The following LINGO2 variants were observed in gnomAD, a reference collection of about 807,000 sequenced individuals.
LINGO2 encodes leucine rich repeat and Ig domain containing 2, also known as leucine-rich repeat and immunoglobulin-like domain-containing nogo receptor-interacting protein 2.
Under a neutral mutation model 30.6 loss-of-function variants are expected in LINGO2, and 14 were observed. The observed-to-expected ratio is 0.46, with a 90% confidence interval of 0.30 to 0.72. The LOEUF (loss-of-function observed/expected upper bound fraction) is 0.72. Among genes scored for constraint, LINGO2 ranks in the 30% least tolerant of loss-of-function variants. The pLI, the probability that LINGO2 is intolerant of heterozygous loss-of-function variation, is 0.07. For missense variants in LINGO2, 729 were observed against 751.7 expected (o/e 0.97, Z 0.35); for synonymous variants, 317 against 288.5 (o/e 1.10, Z -1.00).
intron 4 of LINGO2, among the ~76,000 whole-genome samples, chr9:28,170,569 G>A (rs1828553696): frequency 6.6e-6 from 1 of 152,168 alleles, no homozygotes; most frequent in Non-Finnish European, 1.5e-5. Context: ...TCCTAGTGCT[G>A]TGGTAACAAA....
chr9:28,016,197 C>T (rs1161988452), intron 4 of LINGO2, among the ~76,000 whole-genome samples: 2 of 151,902 alleles, frequency 1.3e-5, no homozygotes, highest in African/African-American at 4.8e-5. Flanking sequence ...CTTTAGGTTC[C>T]AAATGGGACC....
At chr9:28,584,638 G>T (rs190127457) in intron 1 of LINGO2, among the ~76,000 whole-genome samples, 1 of 152,056 alleles carries the variant, frequency 6.6e-6, no homozygotes, top group Admixed American at 6.6e-5. Context: ...TAATTATTAA[G>T]GCTCCTGCGA....
At chr9:28,071,814 A>G (rs1825487201) in intron 4 of LINGO2, among the ~76,000 whole-genome samples, 2 of 152,138 alleles carry the variant, frequency 1.3e-5, no homozygotes, top group Admixed American at 6.5e-5. Flanking sequence ...ATGTAGATAT[A>G]AAATATTGAT....
At chr9:28,251,776 G>GA (rs1196166833) in intron 4 of LINGO2, among the ~76,000 whole-genome samples, 4 of 151,660 alleles carry the variant, frequency 2.6e-5, no homozygotes, top group African/African-American at 7.3e-5. Flanking sequence ...AATTCAGAGT[G>GA]AAAAAAAACT....
chr9:28,253,203 ATTTCT>A (rs1280577258), intron 4 of LINGO2, among the ~76,000 whole-genome samples: 3 of 152,170 alleles, frequency 2.0e-5, no homozygotes, highest in African/African-American at 7.2e-5. Context: ...ACAGAAACAC[ATTTCT>A]TTTATTAGAG....
the LINGO2 span, among the ~76,000 whole-genome samples, chr9:29,177,039 C>T: frequency 3.6e-3 from 543 of 152,270 alleles, 4 homozygotes; most frequent in African/African-American, 0.012. Context: ...GCTTAATGAG[C>T]ATGACCACCA....
chr9:28,264,082 A>T (rs1416029571), intron 4 of LINGO2, among the ~76,000 whole-genome samples: 1 of 151,966 alleles, frequency 6.6e-6, no homozygotes, highest in African/African-American at 2.4e-5. Context: ...AAGACGAAAA[A>T]ATCTGTAGCC....
intron 3 of LINGO2, among the ~76,000 whole-genome samples, chr9:28,343,278 C>T (rs573539693): frequency 1.2e-4 from 19 of 152,162 alleles, no homozygotes; most frequent in African/African-American, 4.6e-4. Flanking sequence ...ACATAAATTG[C>T]CAATAGCAGC....
At chr9:28,497,264 G>A (rs1012000421) in intron 1 of LINGO2, among the ~76,000 whole-genome samples, 1 of 152,206 alleles carries the variant, frequency 6.6e-6, no homozygotes, top group South Asian at 2.1e-4. Flanking sequence ...TTTCCAACTT[G>A]GTTCCATTCT....
chr9:29,038,472 C>A, the LINGO2 span, among the ~76,000 whole-genome samples: 3 of 151,908 alleles, frequency 2.0e-5, no homozygotes, highest in Non-Finnish European at 2.9e-5. Flanking sequence ...TTTATTGGCT[C>A]CTGAATGCCA....
At chr9:28,152,704 C>T (rs980851805) in intron 4 of LINGO2, among the ~76,000 whole-genome samples, 1 of 152,042 alleles carries the variant, frequency 6.6e-6, no homozygotes, top group Non-Finnish European at 1.5e-5. Context: ...TTACTTCATT[C>T]CCTACTCAAA....
At chr9:29,147,372 C>T in the LINGO2 span, among the ~76,000 whole-genome samples, 3 of 152,096 alleles carry the variant, frequency 2.0e-5, no homozygotes, top group South Asian at 4.2e-4. Context: ...ATTGAAACTG[C>T]CCCGCTTTAA....
chr9:29,072,464 G>A, the LINGO2 span, among the ~76,000 whole-genome samples: 2 of 151,266 alleles, frequency 1.3e-5, no homozygotes, highest in South Asian at 2.1e-4. Context: ...ATATATTTAG[G>A]ATACATGAAC....
chr9:28,895,482 T>A, the LINGO2 span, among the ~76,000 whole-genome samples: 1 of 152,158 alleles, frequency 6.6e-6, no homozygotes, highest in Non-Finnish European at 1.5e-5. Context: ...CTCACTCGTA[T>A]CACCTGTGTT....
intron 1 of LINGO2, among the ~76,000 whole-genome samples, chr9:28,573,285 A>C (rs1311834960): frequency 6.6e-6 from 1 of 152,184 alleles, no homozygotes; most frequent in East Asian, 1.9e-4. Flanking sequence ...AGTATACATG[A>C]AATTTCCTTC....
intron 1 of LINGO2, among the ~76,000 whole-genome samples, chr9:28,657,986 C>G (rs146653849): frequency 6.6e-6 from 1 of 152,000 alleles, no homozygotes; most frequent in African/African-American, 2.4e-5. Flanking sequence ...CCAATTTCCT[C>G]TGTGACTCCT....
At chr9:28,669,587 G>T (rs1349314840) in intron 1 of LINGO2, among the ~76,000 whole-genome samples, 2 of 152,014 alleles carry the variant, frequency 1.3e-5, no homozygotes, top group East Asian at 3.9e-4. Flanking sequence ...CCATTGTGAT[G>T]CTTGGTAAGT....
At chr9:28,284,371 G>GACCAA (rs959654421) in intron 4 of LINGO2, among the ~76,000 whole-genome samples, 4 of 152,102 alleles carry the variant, frequency 2.6e-5, no homozygotes, top group African/African-American at 9.7e-5. Flanking sequence ...GAGAAGACTG[G>GACCAA]ACCAACCCAA....
At chr9:28,076,170 T>C (rs1049836715) in intron 4 of LINGO2, among the ~76,000 whole-genome samples, 10 of 152,134 alleles carry the variant, frequency 6.6e-5, no homozygotes, top group Non-Finnish European at 1.0e-4. Context: ...CTTCACAAAT[T>C]ATATTTTCAG....
Sources: allele counts gnomAD v4.1 joint callset (sites outside exome capture counted in the v4.1 genomes callset), GRCh38; gene constraint gnomAD v4.1.1; transcripts MANE v1.5; gene names NCBI Gene and HGNC (gene_info 2026-07-23, HGNC 2026-07-21).